Variants in ZDHHC18 observed in about 807,000 individuals in gnomAD.
The protein encoded by ZDHHC18 is zDHHC palmitoyltransferase 18, also known as palmitoyltransferase ZDHHC18.
In ZDHHC18, 23 loss-of-function variants were observed where a neutral mutation model predicts 37.5. That is an observed-to-expected ratio of 0.61 (90% CI 0.44 to 0.87). The LOEUF is 0.87. ZDHHC18 is among the 40% of genes least tolerant of loss of function. The pLI, the probability that ZDHHC18 is intolerant of heterozygous loss-of-function variation, is 0.00. For missense variants in ZDHHC18, 406 were observed against 525.6 expected, an observed-to-expected ratio of 0.77 and a Z score of 2.22; for synonymous variants, 185 against 218.7, an observed-to-expected ratio of 0.85 and a Z score of 1.36.
chr1:26,827,212 A>G (rs112408368), intron 1 of ZDHHC18, 73 bp downstream of exon 1: 89,769 of 1,106,954 alleles, frequency 0.081, 3,737 homozygotes, highest in Non-Finnish European at 0.087. Flanking sequence ...CCTGCTGGGC[A>G]CTCCGTGCCT....
rs1315847997 is a variant in ZDHHC18, at chr1:26,827,175, C to T, written c.335+36C>T. The T allele has an allele frequency of 4.5e-6, 6 of 1,328,416 alleles. No individual in the cohort carries two copies. The African/African-American group carries it at 7.7e-5, about 17-fold the overall frequency. 82.3% of individuals were successfully genotyped at this position (1,328,416 alleles called of 1,614,324 possible). On this transcript the variant is annotated intron_variant, in intron 1 of 7. Transcript: ENST00000374142. The stretch of plus-strand genomic sequence containing the variant: ...CTGCCTCGGCGCCCCCTCCCAGCCC[C>T]CTGCCGCGCACCCCACCTTCCCAAT...
At position 26,832,540 on chromosome 1, in the gene ZDHHC18, C is replaced by T; in HGVS notation, c.429C>T (p.Ser143=). 1.2e-6 allele frequency: 2 copies of T among 1,614,206 alleles called. No homozygotes were observed. Among genetic ancestry groups the T allele is most frequent in the Non-Finnish European group, 1.7e-6 (2 of 1,180,028 alleles). ...TCATGAGCTGCCTGCTGCAGACAAG[C>T]TTCACCGACCCTGGGATCCTGCCCC... The part of the protein sequence containing the change: ...FFVMSCLLQT[S]FTDPGILPRA... The change falls in exon 2 of 8, where the codon AGC becomes AGT. Residue 143 remains serine, a synonymous_variant. Coordinates refer to ENST00000374142, the MANE Select transcript of ZDHHC18 (RefSeq NM_032283.3).
chr1:26,853,302 C>T lies in ZDHHC18; in HGVS notation c.1050-424C>T, dbSNP rs138292363. Reference sequence around the variant, plus strand: ...CACCAGAGTTCCAGAACGGGGATTACATTGCTGTGGGTACTGCTAAGACAA... The same window carrying T: ...CACCAGAGTTCCAGAACGGGGATTATATTGCTGTGGGTACTGCTAAGACAA... On this transcript the variant is annotated intron_variant, in intron 7 of 7. Coordinates refer to ENST00000374142, the MANE Select transcript of ZDHHC18 (RefSeq NM_032283.3). 7.1e-4 allele frequency: 178 copies of T among 249,730 alleles called. 1 individual carries two copies. The highest frequency in any genetic ancestry group is 3.8e-3 in the African/African-American group (173 of 45,246). The allele number at this position is 249,730 out of a possible 1,614,324, so 15.5% of individuals were successfully genotyped here.
chr1:26,827,416 C>T (rs1420783711), intron 1 of ZDHHC18, among the ~76,000 whole-genome samples: 1 of 151,670 alleles, frequency 6.6e-6, no homozygotes, highest in African/African-American at 2.4e-5. Flanking sequence ...CCCACCCTGG[C>T]ACCTGTCTGC....
chr1:26,850,846 A>G lies in ZDHHC18; in HGVS notation c.833+240A>G, dbSNP rs549986954. ...AAAAGAGTATGTCCCTTAAGATGCCAAGCTCCCTGGACCGTGTCGTGCCCA... is the reference window on the plus strand; with the variant it reads ...AAAAGAGTATGTCCCTTAAGATGCCGAGCTCCCTGGACCGTGTCGTGCCCA... On this transcript the variant is annotated intron_variant, in intron 5 of 7. Coordinates refer to ENST00000374142, the MANE Select transcript of ZDHHC18 (RefSeq NM_032283.3). This position sits in a 1 kb window ranked among gnomAD's most constrained non-coding sequence, Gnocchi z 6.1. 3.3e-5 allele frequency among the ~76,000 whole-genome samples: 5 copies of G among 152,272 alleles called. No individual in the cohort carries two copies. The highest frequency in any genetic ancestry group is 1.3e-4 in the Admixed American group (2 of 15,296).
In ZDHHC18 at chr1:26,850,104, A is replaced by G. The variant is rs1008371599; in HGVS notation, c.647-197A>G. ...AGGAGAAGTTCCAGTTAACCAGGTA[A>G]AGAGACGAGAGAATGTATCAGGCAG... On this transcript the variant is annotated intron_variant, in intron 3 of 7. Transcript: ENST00000374142. The surrounding 1 kb of genome is among the most constrained non-coding windows in gnomAD (Gnocchi z 6.1). Among the ~76,000 whole-genome samples, 6 of 152,206 alleles carry G rather than the reference A, an allele frequency of 3.9e-5. No individual in the cohort carries two copies. The highest frequency in any genetic ancestry group is 8.8e-5 in the Non-Finnish European group (6 of 68,034).
At chr1:26,844,286 G>T (rs965431545) in intron 2 of ZDHHC18, among the ~76,000 whole-genome samples, 1 of 152,100 alleles carries the variant, frequency 6.6e-6, no homozygotes, top group Non-Finnish European at 1.5e-5. Flanking sequence ...TGATCTGCCC[G>T]CCTTGGCCTC....
intron 2 of ZDHHC18, among the ~76,000 whole-genome samples, chr1:26,847,158 G>A (rs1245083964): frequency 6.6e-6 from 1 of 152,108 alleles, no homozygotes; most frequent in Non-Finnish European, 1.5e-5. Context: ...GCCCCCCAAA[G>A]TGCTGGGGTT....
chr1:26,848,872 G>A (rs2124265969), intron 3 of ZDHHC18, 115 bp downstream of exon 3: 6 of 1,423,476 alleles, frequency 4.2e-6, no homozygotes, highest in Non-Finnish European at 5.7e-6. Context: ...ACCCAGGGCT[G>A]GGCAGGGGGT....
intron 2 of ZDHHC18, among the ~76,000 whole-genome samples, chr1:26,847,097 G>A (rs370434073): frequency 3.6e-4 from 55 of 151,786 alleles, no homozygotes; most frequent in African/African-American, 1.2e-3. Context: ...GGGTTTCACC[G>A]TGTTGGTCAG....
intron 2 of ZDHHC18, among the ~76,000 whole-genome samples, chr1:26,845,239 C>T (rs2081657661): frequency 6.8e-6 from 1 of 147,910 alleles, no homozygotes. Context: ...ACATATTCTT[C>T]ATACAAGTCC....
At chr1:26,836,858 G>A (rs574225831) in intron 2 of ZDHHC18, among the ~76,000 whole-genome samples, 14 of 148,912 alleles carry the variant, frequency 9.4e-5, no homozygotes, top group South Asian at 4.3e-4. Flanking sequence ...ATGAGCCACC[G>A]CATCTGGCTG....
intron 2 of ZDHHC18, among the ~76,000 whole-genome samples, chr1:26,837,862 C>T (rs939579015): frequency 6.6e-6 from 1 of 152,170 alleles, no homozygotes; most frequent in Non-Finnish European, 1.5e-5. Context: ...TCCTACTGGT[C>T]CCTGGCACCC....
intron 2 of ZDHHC18, among the ~76,000 whole-genome samples, chr1:26,841,863 C>T (rs190472417): frequency 1.3e-4 from 20 of 152,158 alleles, no homozygotes; most frequent in Non-Finnish European, 2.5e-4. Flanking sequence ...TGGCCAGGCG[C>T]GGTGGCTCAC....
chr1:26,840,006 C>G (rs2124256063), intron 2 of ZDHHC18, among the ~76,000 whole-genome samples: 1 of 152,374 alleles, frequency 6.6e-6, no homozygotes, highest in South Asian at 2.1e-4. Flanking sequence ...CAGCGCTCTG[C>G]CTCCCCTGGC....
chr1:26,844,407 A>G (rs566229120), intron 2 of ZDHHC18, among the ~76,000 whole-genome samples: 1 of 152,338 alleles, frequency 6.6e-6, no homozygotes, highest in Admixed American at 6.5e-5. Context: ...TCATTGCTAT[A>G]TAGAATTCCA....
At chr1:26,844,170 G>C (rs1223875994) in intron 2 of ZDHHC18, among the ~76,000 whole-genome samples, 2 of 152,084 alleles carry the variant, frequency 1.3e-5, no homozygotes, top group Non-Finnish European at 2.9e-5. Flanking sequence ...CTCCCGAGTA[G>C]CTGGGATTAC....
At chr1:26,832,240 C>T (rs1446199735) in intron 1 of ZDHHC18, among the ~76,000 whole-genome samples, 1 of 152,166 alleles carries the variant, frequency 6.6e-6, no homozygotes, top group Admixed American at 6.5e-5. Flanking sequence ...GAAAGTATAT[C>T]ACAAGGATCA....
chr1:26,849,621 T>C (rs1557645431), intron 3 of ZDHHC18, among the ~76,000 whole-genome samples: 1 of 152,250 alleles, frequency 6.6e-6, no homozygotes, highest in African/African-American at 2.4e-5. Flanking sequence ...CCACAAGGAC[T>C]TTCTTTACCA....
Sources: gnomAD v4.1 joint callset for allele counts (sites outside exome capture counted in the v4.1 genomes callset) on GRCh38, gnomAD v4.1.1 for gene constraint, Gnocchi (gnomAD v3.1) non-coding constraint, MANE v1.5 for transcripts, NCBI Gene and HGNC (gene_info 2026-07-23, HGNC 2026-07-21) for gene names.